TXNRD3: variants seen among roughly 807,000 people sequenced by gnomAD.
The protein encoded by TXNRD3 is thioredoxin reductase 3.
Under a neutral mutation model 78.2 loss-of-function variants are expected in TXNRD3, and 68 were observed. That is an observed-to-expected ratio of 0.87 (90% CI 0.72 to 1.06). TXNRD3 has a LOEUF of 1.06. TXNRD3 is among the 50% of genes least tolerant of loss of function. The pLI is 0.00. For missense variants in TXNRD3, 751 were observed against 809.5 expected, an observed-to-expected ratio of 0.93 and a Z score of 0.88; for synonymous variants, 296 against 300.1, an observed-to-expected ratio of 0.99 and a Z score of 0.14.
At chr3:126,650,784 A>G (rs914794821) in intron 1 of TXNRD3, among the ~76,000 whole-genome samples, 1 of 152,132 alleles carries the variant, frequency 6.6e-6, no homozygotes, top group African/African-American at 2.4e-5. Flanking sequence ...TGCTGATACT[A>G]GTTTCTTAAC....
chr3:126,609,824 C>T (rs1411936668), intron 14 of TXNRD3, among the ~76,000 whole-genome samples: 1 of 152,186 alleles, frequency 6.6e-6, no homozygotes, highest in Admixed American at 6.5e-5. Context: ...GCTGCAAGTC[C>T]CACCTTCAGC....
At position 126,607,896 on chromosome 3, in the gene TXNRD3, G is replaced by A; in HGVS notation, c.*9C>T. On this transcript the variant is annotated 3_prime_UTR_variant, in exon 16 of 16. Coordinates refer to ENST00000524230, the MANE Select transcript of TXNRD3 (RefSeq NM_052883.3). ...AGAATATGACAAGGAGAACTAAACA[G>A]CAGCAGGCCTAGCCTCAGCAGCCTT... is the stretch of plus-strand genomic sequence containing the variant. 6.7e-7 allele frequency: 1 copy of A among 1,503,570 alleles called. No individual in the cohort carries two copies. The allele number at this position is 1,503,570 out of a possible 1,614,324, so 93.1% of individuals were successfully genotyped here. A position where few individuals can be genotyped will look rare whatever the true frequency, so the allele number is the denominator to read the frequency against.
intron 12 of TXNRD3, among the ~76,000 whole-genome samples, chr3:126,617,446 T>C (rs1354798522): frequency 6.6e-6 from 1 of 152,208 alleles, no homozygotes; most frequent in African/African-American, 2.4e-5. Context: ...GCTGGCTTCA[T>C]GCACCAAATA....
At chr3:126,614,055 C>T (rs1305749127) in intron 13 of TXNRD3, among the ~76,000 whole-genome samples, 1 of 151,988 alleles carries the variant, frequency 6.6e-6, no homozygotes, top group Non-Finnish European at 1.5e-5. Flanking sequence ...TAGGCCTAGG[C>T]TAATGTGTGT....
intron 9 of TXNRD3, 108 bp downstream of exon 9, chr3:126,630,604 C>T (rs1461129852): frequency 2.5e-6 from 3 of 1,200,750 alleles, no homozygotes; most frequent in South Asian, 3.0e-5. Context: ...AGTGGAAACA[C>T]TGTTTTAACA....
intron 7 of TXNRD3, among the ~76,000 whole-genome samples, chr3:126,632,617 G>T: frequency 7.0e-6 from 1 of 143,350 alleles, no homozygotes; most frequent in African/African-American, 2.6e-5. Flanking sequence ...TCAAGATCAC[G>T]CCACTGCACT....
intron 6 of TXNRD3, among the ~76,000 whole-genome samples, chr3:126,640,372 G>A (rs1246266386): frequency 2.4e-4 from 2 of 8,306 alleles, no homozygotes; most frequent in East Asian, 1.8e-3. Context: ...CTCCCAAAGT[G>A]CTGGGATTAC....
At chr3:126,628,176 A>G (rs1938623847) in intron 10 of TXNRD3, among the ~76,000 whole-genome samples, 1 of 152,146 alleles carries the variant, frequency 6.6e-6, no homozygotes, top group Non-Finnish European at 1.5e-5. Flanking sequence ...CTTAGGTAAC[A>G]AAAAATAGAA....
At chr3:126,612,022 C>T (rs897879828) in intron 13 of TXNRD3, among the ~76,000 whole-genome samples, 1 of 151,966 alleles carries the variant, frequency 6.6e-6, no homozygotes, top group Non-Finnish European at 1.5e-5. Flanking sequence ...ACTCTTCTAC[C>T]CATTTTTTTG....
At position 126,643,177 on chromosome 3, in the gene TXNRD3, C is replaced by T. The variant is rs533128198; in HGVS notation, c.592+804G>A. On this transcript the variant is annotated intron_variant, in intron 5 of 15. Coordinates refer to ENST00000524230, the MANE Select transcript of TXNRD3 (RefSeq NM_052883.3). ...CTCCACTCTTCCTCTGCCCTCTTCC[C>T]CTTACCCCAAAGTGGCCAAGCTGCC... 3.9e-5 allele frequency among the ~76,000 whole-genome samples: 6 copies of T among 152,314 alleles called. No individual in the cohort carries two copies. In the South Asian group the frequency reaches 1.2e-3, roughly 32 times the overall value.
intron 10 of TXNRD3, among the ~76,000 whole-genome samples, 187 bp downstream of exon 10, chr3:126,629,192 C>T (rs537632569): frequency 7.2e-5 from 11 of 152,138 alleles, no homozygotes; most frequent in South Asian, 2.1e-4. Context: ...CATACTTTAC[C>T]GTGGTATTCC....
chr3:126,635,775 T>C lies in TXNRD3; in HGVS notation c.713-1724A>G, dbSNP rs7622128. Among the ~76,000 whole-genome samples, 541 of 152,316 alleles carry C rather than the reference T, an allele frequency of 3.6e-3. 1 individual carries two copies. Among genetic ancestry groups the C allele is most frequent in the African/African-American group, 0.012 (486 of 41,586 alleles). ...TATCCTGTACATTCCTGGTTGAATT[T>C]ATTTCAAGTTATTTTCATTTTTTGT... On this transcript the variant is annotated intron_variant, in intron 6 of 15. Coordinates refer to ENST00000524230, the MANE Select transcript of TXNRD3 (RefSeq NM_052883.3).
At position 126,631,768 on chromosome 3, in the gene TXNRD3, T is replaced by G; in HGVS notation, c.967A>C (p.Thr323Pro). Reference sequence around the variant, plus strand: ...AAATAGTCTATTTAACCTTACCTAGTAATACAGTATTCTTTATCTCCTTGG... The same window carrying G: ...AAATAGTCTATTTAACCTTACCTAGGAATACAGTATTCTTTATCTCCTTGG... The change falls in exon 8 of 16, where the codon ACT becomes CCT. Residue 323 changes from threonine to proline, a missense_variant. Transcript: ENST00000524230. 2.0e-6 allele frequency: 3 copies of G among 1,519,740 alleles called. No individual in the cohort carries two copies. Among genetic ancestry groups the G allele is most frequent in the Non-Finnish European group, 2.6e-6 (3 of 1,132,130 alleles). 94.1% of individuals were successfully genotyped at this position (1,519,740 alleles called of 1,614,324 possible).
rs1365869811 is a variant in TXNRD3, at chr3:126,611,092, G to C, written c.1673C>G (p.Ala558Gly). 6.5e-7 allele frequency: 1 copy of C among 1,528,380 alleles called. No homozygotes were observed. Among genetic ancestry groups the C allele is most frequent in the South Asian group, 1.2e-5 (1 of 82,496 alleles). The allele number at this position is 1,528,380 out of a possible 1,614,324, so 94.7% of individuals were successfully genotyped here. Residue 558 changes from alanine (A) to glycine (G), a missense_variant, in exon 14 of 16, where the codon GCT becomes GGT. By Grantham distance (60) the Ala-to-Gly change is moderately conservative. Transcript: ENST00000524230. ...ATAACAAGTGTTGTTCTCTCTGCCA[G>C]CTACTGTCCATTCAAGAGGCCAGAA... is the stretch of plus-strand genomic sequence containing the variant.
In TXNRD3 at chr3:126,619,517, T is replaced by C. The variant is rs575015079; in HGVS notation, c.1524+2225A>G. Among the ~76,000 whole-genome samples the C allele has an allele frequency of 1.4e-3, 219 of 152,204 alleles. 1 individual carries two copies. Among genetic ancestry groups the C allele is most frequent in the South Asian group, 0.014 (69 of 4,828 alleles). Reference sequence around the variant, plus strand: ...GTGGGAGCTAAAAAAGTTGATCTTATAGAAGTAGAAAGTAGAATTGTGGTT... The same window carrying C: ...GTGGGAGCTAAAAAAGTTGATCTTACAGAAGTAGAAAGTAGAATTGTGGTT... On this transcript the variant is annotated intron_variant, in intron 12 of 15. Coordinates refer to ENST00000524230, the MANE Select transcript of TXNRD3 (RefSeq NM_052883.3).
chr3:126,637,418 A>G (rs1217178697), intron 6 of TXNRD3, among the ~76,000 whole-genome samples: 2 of 152,154 alleles, frequency 1.3e-5, no homozygotes, highest in African/African-American at 2.4e-5. Flanking sequence ...GAAGGGAGCT[A>G]ACATTAATTT....
intron 1 of TXNRD3, 128 bp downstream of exon 1, chr3:126,654,619 AC>A: frequency 2.4e-6 from 1 of 409,736 alleles, no homozygotes; most frequent in Non-Finnish European, 3.7e-6. Flanking sequence ...AGAGGAGAGG[AC>A]GGACGGCTGA....
chr3:126,634,089 T>C (rs2107620428), intron 6 of TXNRD3, 38 bp from the exon 7 acceptor site: 1 of 1,431,122 alleles, frequency 7.0e-7, no homozygotes. Context: ...GTTAGGTGAA[T>C]TTTACCTTTA....
intron 5 of TXNRD3, among the ~76,000 whole-genome samples, chr3:126,643,318 A>G (rs370369412): frequency 2.4e-4 from 36 of 152,300 alleles, no homozygotes; most frequent in African/African-American, 8.7e-4. Flanking sequence ...CACAAAATCT[A>G]TGTGCTCTTT....
Sources: allele counts gnomAD v4.1 joint callset (sites outside exome capture counted in the v4.1 genomes callset), GRCh38; gene constraint gnomAD v4.1.1; transcripts MANE v1.5; gene names NCBI Gene and HGNC (gene_info 2026-07-23, HGNC 2026-07-21).